CEP250: variants seen among roughly 807,000 people sequenced by gnomAD.
The protein encoded by CEP250 is centrosome-associated protein CEP250.
A neutral mutation model predicts 315.7 loss-of-function variants in CEP250; 242 were observed. The observed-to-expected ratio is 0.77, with a 90% CI of 0.69 to 0.85. The LOEUF (loss-of-function observed/expected upper bound fraction) is 0.85, where lower values mean the gene tolerates loss of function less well. Ranked by LOEUF, CEP250 falls within the 40% of genes least tolerant of loss-of-function variation. CEP250 has a pLI of 0.00. For missense variants in CEP250, 2,515 were observed against 2,886.4 expected (o/e 0.87, Z 2.95); for synonymous variants, 1,088 against 1,175.0 (o/e 0.93, Z 1.51).
At chr20:35,508,334 G>C in intron 32 of CEP250, 144 bp downstream of exon 32, 3 of 888,890 alleles carry the variant, frequency 3.4e-6, no homozygotes, top group Non-Finnish European at 5.1e-6. Context: ...TTTTTCCCGA[G>C]ACAGAGTCTT....
chr20:35,472,696 T>C lies in CEP250; in HGVS notation c.1074T>C (p.Asn358=), dbSNP rs370937438. 1.9e-6 allele frequency: 3 copies of C among 1,614,054 alleles called. No homozygotes were observed. Among genetic ancestry groups the C allele is most frequent in the Non-Finnish European group, 2.5e-6 (3 of 1,180,036 alleles). The change falls in exon 12 of 35, where the codon AAT becomes AAC. Residue 358 remains asparagine, a synonymous_variant. Transcript: ENST00000397527. The part of the protein sequence containing the change: ...ITQVMVEEGD[N]IAQGSGHENS... ...AGGTCATGGTGGAAGAAGGGGACAA[T>C]ATAGCCCAAGGCTCTGGTCATGAGA...
chr20:35,510,103 C>T (rs1257259307), intron 34 of CEP250, 49 bp downstream of exon 34: 2 of 1,521,984 alleles, frequency 1.3e-6, no homozygotes, highest in African/African-American at 2.7e-5. Flanking sequence ...GCACTCAGGC[C>T]CTTTGTGCAC....
chr20:35,482,594 C>G (rs1172038620), intron 20 of CEP250, among the ~76,000 whole-genome samples: 1 of 151,226 alleles, frequency 6.6e-6, no homozygotes, highest in Non-Finnish European at 1.5e-5. Flanking sequence ...GAGTCTTGCT[C>G]TGTCACCCAG....
Position 35,498,585 on chromosome 20 carries a change from AT to A in CEP250, c.3656-4del. 6.2e-7 allele frequency: 1 copy of A among 1,604,796 alleles called. No homozygotes were observed. The highest frequency in any genetic ancestry group is 2.3e-5 in the East Asian group (1 of 44,292). ...GCAGCCAGGTAAGGAGGTTTTCCTC[AT>A]TTTTTCAGACCAGAATGGAGCTAGG... On this transcript the variant is annotated splice_polypyrimidine_tract_variant and intron_variant, in intron 26 of 34. Coordinates refer to ENST00000397527, the MANE Select transcript of CEP250 (RefSeq NM_007186.6).
At chr20:35,466,333 C>CT in intron 7 of CEP250, 129 bp downstream of exon 7, 2 of 1,109,176 alleles carry the variant, frequency 1.8e-6, no homozygotes. Context: ...AAGTCCCTGA[C>CT]CATCCTTACC....
chr20:35,471,597 T>G (rs1601151224), intron 10 of CEP250, among the ~76,000 whole-genome samples: 1 of 152,158 alleles, frequency 6.6e-6, no homozygotes, highest in African/African-American at 2.4e-5. Flanking sequence ...GATTCTCTGG[T>G]TTAGTATTAG....
chr20:35,467,120 G>T (rs1415893940), intron 8 of CEP250, 48 bp downstream of exon 8: 1 of 1,190,304 alleles, frequency 8.4e-7, no homozygotes, highest in Non-Finnish European at 1.1e-6. Context: ...ACCAATTCTG[G>T]ACTAATAACA....
intron 4 of CEP250, 61 bp from the exon 5 acceptor site, chr20:35,463,514 T>C: frequency 2.0e-6 from 3 of 1,492,238 alleles, no homozygotes; most frequent in South Asian, 2.6e-5. Flanking sequence ...TCAGGGGCCT[T>C]TGCTTTGGGC....
intron 30 of CEP250, among the ~76,000 whole-genome samples, chr20:35,507,252 C>G (rs1465948927): frequency 6.6e-6 from 1 of 152,178 alleles, no homozygotes; most frequent in Non-Finnish European, 1.5e-5. Context: ...CCCATTTATC[C>G]AAAGGGACTT....
intron 6 of CEP250, 28 bp downstream of exon 6, chr20:35,465,853 G>A (rs781722184): frequency 3.2e-6 from 5 of 1,585,354 alleles, no homozygotes; most frequent in Middle Eastern, 1.9e-4. Flanking sequence ...TTCTGACCTG[G>A]GTGATTGGCC....
chr20:35,494,758 T>G, intron 24 of CEP250, 101 bp downstream of exon 24: 1 of 1,357,270 alleles, frequency 7.4e-7, no homozygotes, highest in Non-Finnish European at 1.0e-6. Context: ...CTTTCATGTC[T>G]GCAACTCTGG....
intron 22 of CEP250, among the ~76,000 whole-genome samples, chr20:35,491,635 G>T (rs1896245158): frequency 6.6e-6 from 1 of 152,136 alleles, no homozygotes; most frequent in Non-Finnish European, 1.5e-5. Context: ...GGGCATGGTG[G>T]CAGGCCCCTG....
intron 18 of CEP250, 23 bp downstream of exon 18, chr20:35,479,447 C>T: frequency 6.2e-7 from 1 of 1,601,354 alleles, no homozygotes; most frequent in South Asian, 1.1e-5. Flanking sequence ...CTCAGTTCAG[C>T]CAAGCACAGA....
At position 35,517,610 on chromosome 20, in the gene CEP250, G is replaced by A. The variant is rs527569685; in HGVS notation, c.*5984G>A. Reference sequence around the variant, plus strand: ...GTACGTGGTTAAGACATTTTAGCTAGGAATGATGGTGCGTGCCTGTAGTCC... The same window carrying A: ...GTACGTGGTTAAGACATTTTAGCTAAGAATGATGGTGCGTGCCTGTAGTCC... On this transcript the variant is annotated 3_prime_UTR_variant, in exon 35 of 35. Coordinates refer to ENST00000397527, the MANE Select transcript of CEP250 (RefSeq NM_007186.6). 2.6e-5 allele frequency: 4 copies of A among 152,268 alleles called. No homozygotes were observed. Among genetic ancestry groups the A allele is most frequent in the African/African-American group, 9.6e-5 (4 of 41,550 alleles). 9.4% of individuals were successfully genotyped at this position (152,268 alleles called of 1,614,324 possible). A position where few individuals can be genotyped will look rare whatever the true frequency, so the allele number is the denominator to read the frequency against.
chr20:35,504,807 C>G lies in CEP250; in HGVS notation c.6438C>G (p.Pro2146=). ...EQSLKLDSLE[P]RLQRELERLQ... ...CTCTAAAACTTGATTCTTTAGAGCC[C>G]AGGCTGCAGCGGGAGCTGGAGCGGC... Residue 2146 remains proline, a synonymous_variant, in exon 30 of 35, where the codon CCC becomes CCG. Coordinates refer to ENST00000397527, the MANE Select transcript of CEP250 (RefSeq NM_007186.6). 1.2e-6 allele frequency: 2 copies of G among 1,614,220 alleles called. No homozygotes were observed. The highest frequency in any genetic ancestry group is 1.7e-6 in the Non-Finnish European group (2 of 1,180,040).
intron 7 of CEP250, 145 bp from the exon 8 acceptor site, chr20:35,466,821 A>T: frequency 3.3e-6 from 2 of 612,594 alleles, no homozygotes; most frequent in Non-Finnish European, 5.9e-6. Context: ...GCCCTTCACC[A>T]TAACCTGGAT....
Position 35,503,256 on chromosome 20 carries a change from C to T in CEP250, c.4887C>T (p.Asp1629=). 1 of 1,614,070 alleles carries T rather than the reference C, an allele frequency of 6.2e-7. No homozygotes were observed. Among genetic ancestry groups the T allele is most frequent in the Non-Finnish European group, 8.5e-7 (1 of 1,180,016 alleles). Reference sequence around the variant, plus strand: ...TGGCAAGAGAGCTGCAGGAGAGGGACCAGGAGGTGAAGTCTCAGCGAGAAC... The same window carrying T: ...TGGCAAGAGAGCTGCAGGAGAGGGATCAGGAGGTGAAGTCTCAGCGAGAAC... ...TVLARELQER[D]QEVKSQREQI... The change falls in exon 30 of 35, where the codon GAC becomes GAT. Residue 1629 remains aspartate, a synonymous_variant. Transcript: ENST00000397527. This position sits in a 1 kb window ranked among gnomAD's most constrained non-coding sequence, Gnocchi z 4.2.
In CEP250 at chr20:35,512,330, G is replaced by C. The variant is rs970331918; in HGVS notation, c.*704G>C. ...AAGCACACAGTGAGAAGACTGGTCT[G>C]ACTGTGGCAGGGGGTTGGGGCTGAG... On this transcript the variant is annotated 3_prime_UTR_variant, in exon 35 of 35. Coordinates refer to ENST00000397527, the MANE Select transcript of CEP250 (RefSeq NM_007186.6). 2.6e-5 allele frequency: 4 copies of C among 152,514 alleles called. No individual in the cohort carries two copies. The highest frequency in any genetic ancestry group is 9.6e-5 in the African/African-American group (4 of 41,454). 9.4% of individuals were successfully genotyped at this position (152,514 alleles called of 1,614,324 possible).
intron 30 of CEP250, among the ~76,000 whole-genome samples, chr20:35,506,197 A>G (rs2064181257): frequency 1.3e-5 from 2 of 152,186 alleles, no homozygotes; most frequent in African/African-American, 2.4e-5. Flanking sequence ...AGTGGAATGA[A>G]TGATGAGGTC....
Sources: gnomAD v4.1 joint callset for allele counts (sites outside exome capture counted in the v4.1 genomes callset) on GRCh38, gnomAD v4.1.1 for gene constraint, Gnocchi (gnomAD v3.1) non-coding constraint, MANE v1.5 for transcripts, NCBI Gene and HGNC (gene_info 2026-07-23, HGNC 2026-07-21) for gene names.